Variants in UNC5D observed in about 807,000 individuals in gnomAD.
UNC5D encodes the protein unc-5 netrin receptor D, also known as netrin receptor UNC5D.
Under a neutral mutation model 105.4 loss-of-function variants are expected in UNC5D, and 39 were observed. The ratio of observed to expected loss-of-function variants is 0.37; its 90% confidence interval spans 0.29 to 0.48. The LOEUF (loss-of-function observed/expected upper bound fraction) is 0.48, where lower values mean the gene tolerates loss of function less well. Among genes scored for constraint, UNC5D ranks in the 20% least tolerant of loss-of-function variants. The probability of loss-of-function intolerance (pLI) is 0.98; values close to 1 mark genes in which losing one functional copy is unlikely to be tolerated. For synonymous variants in UNC5D, 452 were observed against 450.4 expected (o/e 1.00, Z -0.04); for missense variants, 991 against 1,202.4 (o/e 0.82, Z 2.60).
chr8:35,314,945 T>G (rs1375142704), intron 1 of UNC5D, among the ~76,000 whole-genome samples: 1 of 152,050 alleles, frequency 6.6e-6, no homozygotes, highest in Non-Finnish European at 1.5e-5. Context: ...CAAAAGAAGG[T>G]ATAGTTAAGC....
intron 1 of UNC5D, among the ~76,000 whole-genome samples, chr8:35,413,444 C>G (rs1256629833): frequency 2.0e-5 from 3 of 150,920 alleles, no homozygotes; most frequent in Admixed American, 2.0e-4. Context: ...TAGCCAGAAG[C>G]CTGAAGCCAC....
At chr8:35,324,620 T>C (rs1252229925) in intron 1 of UNC5D, among the ~76,000 whole-genome samples, 3 of 152,190 alleles carry the variant, frequency 2.0e-5, no homozygotes, top group African/African-American at 7.2e-5. Context: ...ACTTGGTGTT[T>C]GCGGTTCCTG....
intron 4 of UNC5D, among the ~76,000 whole-genome samples, chr8:35,619,444 A>C (rs1821221506): frequency 6.6e-6 from 1 of 152,218 alleles, no homozygotes; most frequent in African/African-American, 2.4e-5. Context: ...CAGAGACTCT[A>C]GAAAATAGTC....
intron 11 of UNC5D, among the ~76,000 whole-genome samples, chr8:35,733,087 CTG>C (rs1311724978): frequency 1.3e-5 from 2 of 150,346 alleles, no homozygotes; most frequent in Admixed American, 6.6e-5. Context: ...CTCTACTAAA[CTG>C]TGAAAAAAAA....
At chr8:35,551,849 A>G (rs1816171891) in intron 2 of UNC5D, among the ~76,000 whole-genome samples, 1 of 152,028 alleles carries the variant, frequency 6.6e-6, no homozygotes, top group Admixed American at 6.6e-5. Context: ...AAGGAAAAGA[A>G]AAAAGAAGTT....
At chr8:35,510,310 CAAAAAAAAAAA>C (rs11317897) in intron 1 of UNC5D, among the ~76,000 whole-genome samples, 1 of 71,862 alleles carries the variant, frequency 1.4e-5, no homozygotes, top group Non-Finnish European at 3.0e-5. Flanking sequence ...TTTTTATATC[CAAAAAAAAAAA>C]AAAAAAAAAA....
chr8:35,310,365 A>G (rs991213997), intron 1 of UNC5D, among the ~76,000 whole-genome samples: 1 of 152,208 alleles, frequency 6.6e-6, no homozygotes, highest in Non-Finnish European at 1.5e-5. Context: ...TCATGCCTGT[A>G]ATCCCAGCAC....
intron 1 of UNC5D, among the ~76,000 whole-genome samples, chr8:35,243,606 A>C (rs2128803248): frequency 6.6e-6 from 1 of 152,292 alleles, no homozygotes; most frequent in South Asian, 2.1e-4. Flanking sequence ...TCCGAAGTTC[A>C]GGATAATGAG....
At chr8:35,491,394 G>A (rs1359975216) in intron 1 of UNC5D, among the ~76,000 whole-genome samples, 1 of 152,038 alleles carries the variant, frequency 6.6e-6, no homozygotes, top group African/African-American at 2.4e-5. Flanking sequence ...ATAGGCCAAT[G>A]GGTGATAAAT....
chr8:35,322,777 C>T (rs1809848894), intron 1 of UNC5D, among the ~76,000 whole-genome samples: 1 of 152,166 alleles, frequency 6.6e-6, no homozygotes, highest in South Asian at 2.1e-4. Flanking sequence ...AAGGTTTTGG[C>T]TCAGTACGTA....
At chr8:35,460,407 C>T (rs1808807139) in intron 1 of UNC5D, among the ~76,000 whole-genome samples, 1 of 152,150 alleles carries the variant, frequency 6.6e-6, no homozygotes, top group Non-Finnish European at 1.5e-5. Flanking sequence ...AGGAAATATT[C>T]CAGATGCTGC....
intron 4 of UNC5D, among the ~76,000 whole-genome samples, chr8:35,634,005 GA>G (rs1200283127): frequency 2.0e-5 from 3 of 152,230 alleles, no homozygotes; most frequent in African/African-American, 7.2e-5. Flanking sequence ...AGAATTTACA[GA>G]GAACACAAGC....
intron 1 of UNC5D, among the ~76,000 whole-genome samples, chr8:35,449,372 C>T (rs909003572): frequency 1.3e-5 from 2 of 152,118 alleles, no homozygotes; most frequent in Non-Finnish European, 1.5e-5. Context: ...AGCTTCTGCT[C>T]GTGGTCTCTG....
At chr8:35,383,945 GGTGGCTCAC>G (rs553494659) in intron 1 of UNC5D, among the ~76,000 whole-genome samples, 88 of 151,962 alleles carry the variant, frequency 5.8e-4, no homozygotes, top group African/African-American at 2.0e-3. Flanking sequence ...GGCTGGGCGC[GGTGGCTCAC>G]GCCTGTCATC....
At chr8:35,629,030 C>T (rs916579371) in intron 4 of UNC5D, among the ~76,000 whole-genome samples, 3 of 151,984 alleles carry the variant, frequency 2.0e-5, no homozygotes, top group Non-Finnish European at 4.4e-5. Flanking sequence ...GGGAGGGGCC[C>T]ATGGAACAGT....
At chr8:35,585,085 A>G (rs116372731) in intron 3 of UNC5D, among the ~76,000 whole-genome samples, 1,764 of 152,288 alleles carry the variant, frequency 0.012, 20 homozygotes, top group African/African-American at 0.036. Flanking sequence ...CTGCAGGCAC[A>G]ACTATATCTA....
At chr8:35,373,411 A>G (rs910087702) in intron 1 of UNC5D, among the ~76,000 whole-genome samples, 1 of 152,214 alleles carries the variant, frequency 6.6e-6, no homozygotes, top group African/African-American at 2.4e-5. Flanking sequence ...GCAATAAAGC[A>G]TGGACTTATT....
At chr8:35,422,936 C>T (rs1277496869) in intron 1 of UNC5D, among the ~76,000 whole-genome samples, 8 of 152,128 alleles carry the variant, frequency 5.3e-5, no homozygotes, top group Non-Finnish European at 1.2e-4. Context: ...CTCTCAAATG[C>T]CCCACAGATG....
At chr8:35,578,270 A>T (rs771645828) in intron 3 of UNC5D, among the ~76,000 whole-genome samples, 48,567 of 121,758 alleles carry the variant, frequency 0.4, 10,469 homozygotes, top group African/African-American at 0.7. Flanking sequence ...ACTCTGTCTC[A>T]AAAAAAAAAA....
Sources: gnomAD v4.1 joint callset for allele counts (sites outside exome capture counted in the v4.1 genomes callset) on GRCh38, gnomAD v4.1.1 for gene constraint, MANE v1.5 for transcripts, NCBI Gene and HGNC (gene_info 2026-07-23, HGNC 2026-07-21) for gene names.